Variants in SPEF2 observed in about 807,000 individuals in gnomAD.
SPEF2 encodes the protein sperm flagellar and cilia associated 2.
A neutral mutation model predicts 224.6 loss-of-function variants in SPEF2; 187 were observed. That is an observed-to-expected ratio of 0.83 (90% CI 0.74 to 0.94). The LOEUF is 0.94. Among genes scored for constraint, SPEF2 ranks in the 40% least tolerant of loss-of-function variants. The pLI is 0.00. For missense variants in SPEF2, 2,170 were observed against 2,135.6 expected, an observed-to-expected ratio of 1.02 and a Z score of -0.32; for synonymous variants, 715 against 707.3, an observed-to-expected ratio of 1.01 and a Z score of -0.17.
At chr5:35,708,327 C>T (rs930477564) in intron 18 of SPEF2, among the ~76,000 whole-genome samples, 1 of 152,022 alleles carries the variant, frequency 6.6e-6, no homozygotes, top group Admixed American at 6.6e-5. Flanking sequence ...CTCACCCCAC[C>T]TCTTGTATTA....
At position 35,749,004 on chromosome 5, in the gene SPEF2, A is replaced by G. The variant is rs192490107; in HGVS notation, c.3331-4620A>G. 4.5e-3 allele frequency among the ~76,000 whole-genome samples: 685 copies of G among 152,298 alleles called. 6 individuals are homozygous for G. The highest frequency in any genetic ancestry group is 0.016 in the African/African-American group (671 of 41,576). On this transcript the variant is annotated intron_variant, in intron 23 of 36. Coordinates refer to ENST00000356031, the MANE Select transcript of SPEF2 (RefSeq NM_024867.4). ...TCCACCATGATCAAGTGGGTTTTAT[A>G]CCAGGGATGCAGGGATGGTTTAACA... is the stretch of plus-strand genomic sequence containing the variant.
chr5:35,673,259 GC>G (rs1222991776), intron 10 of SPEF2, among the ~76,000 whole-genome samples: 1 of 152,182 alleles, frequency 6.6e-6, no homozygotes, highest in Non-Finnish European at 1.5e-5. Flanking sequence ...TGGCAGCACA[GC>G]CCCACACAGC....
chr5:35,621,879 T>A (rs1423504746), intron 1 of SPEF2, among the ~76,000 whole-genome samples: 1 of 152,172 alleles, frequency 6.6e-6, no homozygotes, highest in Non-Finnish European at 1.5e-5. Context: ...GAAATTAGAT[T>A]AGATTAGAGT....
In SPEF2 at chr5:35,712,819, G is replaced by T. The variant is rs377415900; in HGVS notation, c.2847G>T (p.Pro949=). 26 of 1,613,570 alleles carry T rather than the reference G, an allele frequency of 1.6e-5. No individual in the cohort carries two copies. Among genetic ancestry groups the T allele is most frequent in the Non-Finnish European group, 2.0e-5 (24 of 1,179,852 alleles). The change falls in exon 20 of 37, where the codon CCG becomes CCT. Residue 949 remains proline (P), a synonymous_variant. Coordinates refer to ENST00000356031, the MANE Select transcript of SPEF2 (RefSeq NM_024867.4). ...TAKGKPQSEA[P]HGKQESLQEG... is the part of the protein sequence containing the mutation. The stretch of plus-strand genomic sequence containing the variant: ...GTGTCGAATTTTGTTTAGAAGCCCC[G>T]CATGGTAAGCAAGAATCTCTTCAGG...
chr5:35,618,091 G>A (rs562913823), intron 1 of SPEF2, 36 bp downstream of exon 1: 3 of 1,561,522 alleles, frequency 1.9e-6, no homozygotes, highest in East Asian at 2.4e-5. Flanking sequence ...CGTCTGAGGG[G>A]CTAGCGGGGC....
At chr5:35,762,329 A>G (rs1474198637) in intron 25 of SPEF2, among the ~76,000 whole-genome samples, 1 of 152,188 alleles carries the variant, frequency 6.6e-6, no homozygotes, top group Non-Finnish European at 1.5e-5. Flanking sequence ...TGAAAAATAC[A>G]TGTTGTACTG....
intron 8 of SPEF2, among the ~76,000 whole-genome samples, chr5:35,660,343 G>A (rs1749539322): frequency 6.6e-6 from 1 of 152,104 alleles, no homozygotes; most frequent in South Asian, 2.1e-4. Flanking sequence ...ACCAGACTGG[G>A]CAGAAGAGAA....
chr5:35,639,665 T>G (rs1216584549), intron 2 of SPEF2, among the ~76,000 whole-genome samples: 2 of 118,340 alleles, frequency 1.7e-5, no homozygotes, highest in Non-Finnish European at 3.5e-5. Flanking sequence ...AGAAGATTTG[T>G]TTTTTTTTTT....
intron 34 of SPEF2, 73 bp from the exon 35 acceptor site, chr5:35,806,634 G>A: frequency 2.6e-6 from 4 of 1,526,870 alleles, no homozygotes; most frequent in Admixed American, 2.2e-5. Context: ...TATGAAATTG[G>A]TATATTCTAA....
At chr5:35,749,200 T>C (rs894278743) in intron 23 of SPEF2, among the ~76,000 whole-genome samples, 2 of 152,058 alleles carry the variant, frequency 1.3e-5, no homozygotes, top group African/African-American at 4.8e-5. Flanking sequence ...AAGGGACATA[T>C]CTCAATGTAA....
Position 35,708,995 on chromosome 5 carries a change from T to G in SPEF2, c.2713T>G (p.Ser905Ala), listed in dbSNP as rs781719061. 2 of 1,613,408 alleles carry G rather than the reference T, an allele frequency of 1.2e-6. No individual in the cohort carries two copies. The highest frequency in any genetic ancestry group is 1.7e-6 in the Non-Finnish European group (2 of 1,179,870). ...GGAAGCTGAGAAAAAAGCAGCAGCT[T>G]CCCTGGCTGAGCTTCCACTTCCTAC... Reference protein sequence around the residue: ...EKEAEKKAAASLAELPLPTPP... With the variant: ...EKEAEKKAAAALAELPLPTPP... The change falls in exon 19 of 37, where the codon TCC (serine) becomes GCC (alanine). Residue 905 changes from serine to alanine, a missense_variant. Transcript: ENST00000356031.
intron 27 of SPEF2, among the ~76,000 whole-genome samples, chr5:35,772,532 C>T (rs1270357916): frequency 6.6e-6 from 1 of 152,094 alleles, no homozygotes; most frequent in African/African-American, 2.4e-5. Flanking sequence ...ACAAGGTCTC[C>T]CTTCTCCATC....
intron 19 of SPEF2, chr5:35,710,105 G>A: frequency 1.0e-6 from 1 of 985,104 alleles, no homozygotes; most frequent in Non-Finnish European, 1.2e-6. Flanking sequence ...TTAACTACAG[G>A]CAAAATACAC....
intron 21 of SPEF2, 106 bp from the exon 22 acceptor site, chr5:35,739,813 T>C: frequency 7.9e-7 from 1 of 1,265,942 alleles, no homozygotes. Context: ...CTTTATGTAG[T>C]TGCAGTTGCA....
chr5:35,763,793 T>C lies in SPEF2; in HGVS notation c.3801+91T>C, dbSNP rs6876874. On this transcript the variant is annotated intron_variant, in intron 26 of 36. Coordinates refer to ENST00000356031, the MANE Select transcript of SPEF2 (RefSeq NM_024867.4). The stretch of plus-strand genomic sequence containing the variant: ...TGCTATAAGTGGAAAATTGACACAA[T>C]GCTCTCAAGCACTGTAGAAAATTGT... 0.93 allele frequency: 1,159,909 copies of C among 1,248,010 alleles called. 540,092 individuals carry two copies. The highest frequency in any genetic ancestry group is 0.99 in the South Asian group (53,369 of 54,146). The allele number at this position is 1,248,010 out of a possible 1,614,324, so 77.3% of individuals were successfully genotyped here.
chr5:35,696,880 T>G (rs1179561904), intron 14 of SPEF2, among the ~76,000 whole-genome samples: 3 of 152,166 alleles, frequency 2.0e-5, no homozygotes, highest in African/African-American at 7.2e-5. Context: ...TGAGAGAACC[T>G]GCCCACTGGA....
intron 29 of SPEF2, among the ~76,000 whole-genome samples, chr5:35,778,568 G>T (rs930644106): frequency 6.6e-6 from 1 of 151,992 alleles, no homozygotes; most frequent in African/African-American, 2.4e-5. Context: ...AATTTCAATG[G>T]ATTATATACA....
chr5:35,677,295 A>G (rs1252213671), intron 10 of SPEF2, among the ~76,000 whole-genome samples: 1 of 152,204 alleles, frequency 6.6e-6, no homozygotes, highest in East Asian at 1.9e-4. Flanking sequence ...GGAAATTACT[A>G]TAAAAGTGAT....
chr5:35,783,467 T>C (rs920463949), intron 30 of SPEF2, among the ~76,000 whole-genome samples: 2 of 152,184 alleles, frequency 1.3e-5, no homozygotes, highest in African/African-American at 4.8e-5. Flanking sequence ...GTATAGCACA[T>C]AGAATGTGCA....
Sources: allele counts gnomAD v4.1 joint callset (sites outside exome capture counted in the v4.1 genomes callset), GRCh38; gene constraint gnomAD v4.1.1; transcripts MANE v1.5; gene names NCBI Gene and HGNC (gene_info 2026-07-23, HGNC 2026-07-21).